DCDC2C: variants seen among roughly 807,000 people sequenced by gnomAD.
DCDC2C encodes doublecortin domain-containing protein 2C.
DCDC2C carries 44 observed loss-of-function variants against 45.0 expected under a neutral mutation model. The observed-to-expected ratio is 0.98, with a 90% CI of 0.77 to 1.26. The LOEUF (loss-of-function observed/expected upper bound fraction) is 1.26. Among genes scored for constraint, DCDC2C ranks in the 50% most tolerant of loss-of-function variants. The pLI is 0.00. For synonymous variants in DCDC2C, 187 were observed against 178.8 expected (o/e 1.05, Z -0.37); for missense variants, 447 against 468.9 (o/e 0.95, Z 0.43).
intron 10 of DCDC2C, among the ~76,000 whole-genome samples, chr2:3,807,083 A>AT (rs35544021): frequency 0.47 from 69,990 of 149,148 alleles, 16,561 homozygotes; most frequent in African/African-American, 0.58. Context: ...TCAGAAAGCT[A>AT]TTTTTTTTTT....
intron 8 of DCDC2C, among the ~76,000 whole-genome samples, chr2:3,771,109 C>T (rs1469137110): frequency 6.6e-6 from 1 of 152,208 alleles, no homozygotes; most frequent in Non-Finnish European, 1.5e-5. Context: ...ATAGGAAGAC[C>T]CCCTGAGGGT....
chr2:3,752,632 C>A, intron 4 of DCDC2C, 131 bp from the exon 5 acceptor site: 2 of 1,094,928 alleles, frequency 1.8e-6, no homozygotes, highest in Non-Finnish European at 2.7e-6. Context: ...TTGGATAACA[C>A]GTGCTTACGA....
At chr2:3,832,800 A>G (rs1212394531) in intron 10 of DCDC2C, among the ~76,000 whole-genome samples, 1 of 152,152 alleles carries the variant, frequency 6.6e-6, no homozygotes, top group Non-Finnish European at 1.5e-5. Context: ...CCCAATGTCT[A>G]GTGTATACCT....
rs373874778 is a variant in DCDC2C at position 3,748,742 on chromosome 2, C to G, written c.546-4021C>G. ...AAGACTGAGTTCTGGGCTCAGCTTC[C>G]TGATAAATAGCCCATCAACCTTGGA... On this transcript the variant is annotated intron_variant, in intron 4 of 10. Transcript: ENST00000399143. Among the ~76,000 whole-genome samples, 11 of 152,206 alleles carry G rather than the reference C, an allele frequency of 7.2e-5. No homozygotes were observed. In the East Asian group the frequency reaches 7.7e-4, roughly 11 times the overall value.
At chr2:3,846,652 A>AT (rs1415274835) in intron 10 of DCDC2C, among the ~76,000 whole-genome samples, 1 of 152,156 alleles carries the variant, frequency 6.6e-6, no homozygotes, top group African/African-American at 2.4e-5. Flanking sequence ...TGATGTTCAC[A>AT]TTTTGGGGCT....
chr2:3,842,531 A>G (rs964369183), intron 10 of DCDC2C, among the ~76,000 whole-genome samples: 1 of 151,874 alleles, frequency 6.6e-6, no homozygotes, highest in African/African-American at 2.4e-5. Flanking sequence ...GTTGGAGCAA[A>G]AAGTGAATGT....
At chr2:3,705,636 G>A (rs1282440474) in intron 1 of DCDC2C, among the ~76,000 whole-genome samples, 2 of 152,186 alleles carry the variant, frequency 1.3e-5, no homozygotes, top group African/African-American at 2.4e-5. Flanking sequence ...CACCTGCCAC[G>A]AAGCCTGGAG....
chr2:3,778,734 C>T (rs13005405), intron 8 of DCDC2C, 82 bp from the exon 9 acceptor site: 454,003 of 1,301,850 alleles, frequency 0.35, 79,976 homozygotes, highest in South Asian at 0.45. Context: ...TCTAGAAGGT[C>T]GCACTATTTC....
chr2:3,823,531 A>G (rs1300411784), intron 10 of DCDC2C, among the ~76,000 whole-genome samples: 1 of 152,202 alleles, frequency 6.6e-6, no homozygotes, highest in Non-Finnish European at 1.5e-5. Flanking sequence ...CCCAGTTGTT[A>G]AAAGTAAAGT....
chr2:3,827,112 C>A (rs183606827), intron 10 of DCDC2C, among the ~76,000 whole-genome samples: 3 of 152,300 alleles, frequency 2.0e-5, no homozygotes, highest in Admixed American at 2.0e-4. Context: ...AAGCCACACC[C>A]CAGCCCATCA....
At chr2:3,809,994 T>C (rs1192766874) in intron 10 of DCDC2C, among the ~76,000 whole-genome samples, 1 of 152,248 alleles carries the variant, frequency 6.6e-6, no homozygotes, top group African/African-American at 2.4e-5. Context: ...AGCTTATCAT[T>C]GATGGGCATT....
chr2:3,772,002 C>T (rs1670185163), intron 8 of DCDC2C, among the ~76,000 whole-genome samples: 1 of 152,210 alleles, frequency 6.6e-6, no homozygotes, highest in Admixed American at 6.5e-5. Flanking sequence ...ATGATTTCAA[C>T]TTTGTGGGTT....
chr2:3,830,909 AACTC>A (rs1671934026), intron 10 of DCDC2C, among the ~76,000 whole-genome samples: 1 of 152,114 alleles, frequency 6.6e-6, no homozygotes. Context: ...TTGTTGGCCG[AACTC>A]ACTCACTTCC....
chr2:3,757,031 T>C (rs1173650423), intron 6 of DCDC2C, among the ~76,000 whole-genome samples: 1 of 152,264 alleles, frequency 6.6e-6, no homozygotes, highest in African/African-American at 2.4e-5. Flanking sequence ...GGTCTGCATC[T>C]GTAAAGATGT....
intron 5 of DCDC2C, among the ~76,000 whole-genome samples, chr2:3,754,169 C>T (rs1669618860): frequency 6.6e-6 from 1 of 152,200 alleles, no homozygotes; most frequent in Non-Finnish European, 1.5e-5. Flanking sequence ...CATGCAATCA[C>T]TCAGAGACTG....
intron 3 of DCDC2C, among the ~76,000 whole-genome samples, chr2:3,731,956 AG>A: frequency 6.6e-6 from 1 of 152,254 alleles, no homozygotes; most frequent in East Asian, 1.9e-4. Flanking sequence ...GCCATTATGA[AG>A]GGGGTCTCAG....
In DCDC2C at chr2:3,737,077, C is replaced by CA. The variant is rs1669052106; in HGVS notation, c.417-4843_417-4842insA. Among the ~76,000 whole-genome samples, 4 of 152,080 alleles carry CA rather than the reference C, an allele frequency of 2.6e-5. 1 individual carries two copies. Among genetic ancestry groups the CA allele is most frequent in the Admixed American group, 1.3e-4 (2 of 15,274 alleles). On this transcript the variant is annotated intron_variant, in intron 3 of 10. Coordinates refer to ENST00000399143, the MANE Select transcript of DCDC2C (RefSeq NM_001287444.2). ...CTAATGGCTCCATCCAATCCATGTA[C>CA]CCCCCGCCACTGCCCATCCAGAATT...
chr2:3,765,736 G>A (rs544775977), intron 6 of DCDC2C, among the ~76,000 whole-genome samples: 10 of 152,276 alleles, frequency 6.6e-5, no homozygotes, highest in African/African-American at 2.4e-4. Flanking sequence ...GCCCTTGGGT[G>A]GCTTCTAACC....
At chr2:3,767,696 C>A in intron 6 of DCDC2C, 58 bp from the exon 7 acceptor site, 1 of 1,534,436 alleles carries the variant, frequency 6.5e-7, no homozygotes, top group South Asian at 1.2e-5. Flanking sequence ...AGAACCTGAT[C>A]GGACTCCTTG....
Sources: gnomAD v4.1 joint callset for allele counts (sites outside exome capture counted in the v4.1 genomes callset) on GRCh38, gnomAD v4.1.1 for gene constraint, MANE v1.5 for transcripts, NCBI Gene and HGNC (gene_info 2026-07-23, HGNC 2026-07-21) for gene names.